The following MAGI2 variants were observed in gnomAD, a reference collection of about 807,000 sequenced individuals.
The protein encoded by MAGI2 is membrane associated guanylate kinase, WW and PDZ domain containing 2.
MAGI2 carries 35 observed loss-of-function variants against 133.3 expected under a neutral mutation model. That is an observed-to-expected ratio of 0.26 (90% CI 0.20 to 0.35). The LOEUF is 0.35. Ranked by LOEUF, MAGI2 falls within the 10% of genes least tolerant of loss-of-function variation. The probability of loss-of-function intolerance (pLI) is 1.00; values close to 1 mark genes in which losing one functional copy is unlikely to be tolerated. For missense variants in MAGI2, 1,636 were observed against 1,863.4 expected (o/e 0.88, Z 2.25); for synonymous variants, 729 against 710.6 (o/e 1.03, Z -0.41).
At chr7:78,096,133 T>A (rs1023026411) in intron 20 of MAGI2, among the ~76,000 whole-genome samples, 5 of 152,254 alleles carry the variant, frequency 3.3e-5, no homozygotes, top group African/African-American at 1.2e-4. Flanking sequence ...TAGTTGTTAT[T>A]GTTTATACAG....
At chr7:78,329,905 C>T (rs893252249) in intron 9 of MAGI2, among the ~76,000 whole-genome samples, 2 of 152,108 alleles carry the variant, frequency 1.3e-5, no homozygotes, top group African/African-American at 4.8e-5. Flanking sequence ...GTCAACATGG[C>T]ACCACAATTC....
At chr7:79,089,696 T>TA (rs1369508197) in intron 1 of MAGI2, among the ~76,000 whole-genome samples, 2 of 151,966 alleles carry the variant, frequency 1.3e-5, no homozygotes, top group Admixed American at 1.3e-4. Flanking sequence ...CTCAGCAAAC[T>TA]AACCCTCATT....
chr7:78,743,822 T>C (rs1435519714), intron 2 of MAGI2, among the ~76,000 whole-genome samples: 6 of 152,130 alleles, frequency 3.9e-5, no homozygotes, highest in Non-Finnish European at 7.4e-5. Context: ...TACTGAACAG[T>C]TCTCTATTCC....
intron 6 of MAGI2, among the ~76,000 whole-genome samples, chr7:78,470,498 A>G (rs1791085384): frequency 6.6e-6 from 1 of 152,100 alleles, no homozygotes; most frequent in African/African-American, 2.4e-5. Context: ...AAGATCCTGT[A>G]TGTTTTTATT....
chr7:78,972,953 A>T (rs981420858), intron 2 of MAGI2, among the ~76,000 whole-genome samples: 1 of 151,646 alleles, frequency 6.6e-6, no homozygotes, highest in Non-Finnish European at 1.5e-5. Flanking sequence ...ACACACACAC[A>T]CACACACACA....
chr7:78,821,827 T>G (rs758463586), intron 2 of MAGI2, among the ~76,000 whole-genome samples: 31 of 152,046 alleles, frequency 2.0e-4, no homozygotes, highest in Non-Finnish European at 4.4e-5. Context: ...CCTTTTAAAG[T>G]GTTCATCTGA....
At chr7:78,243,631 A>T (rs1227302039) in intron 10 of MAGI2, among the ~76,000 whole-genome samples, 1 of 152,304 alleles carries the variant, frequency 6.6e-6, no homozygotes. Context: ...TGTAAAAAAA[A>T]GATGTGTATT....
intron 1 of MAGI2, chr7:79,411,078 T>G (rs973892818): frequency 6.6e-6 from 1 of 152,104 alleles, no homozygotes; most frequent in Non-Finnish European, 1.5e-5. Flanking sequence ...AGAGAAATAT[T>G]GCATTCGGCC....
chr7:79,293,004 C>A (rs928881511), intron 1 of MAGI2, among the ~76,000 whole-genome samples: 1 of 152,162 alleles, frequency 6.6e-6, no homozygotes. Context: ...ATTTCAAACT[C>A]CTCACTCACT....
intron 2 of MAGI2, among the ~76,000 whole-genome samples, chr7:78,953,147 T>C (rs1283226391): frequency 1.3e-5 from 2 of 152,154 alleles, no homozygotes; most frequent in Non-Finnish European, 2.9e-5. Flanking sequence ...ACTTCTAACA[T>C]GTTTCCTGAA....
intron 1 of MAGI2, among the ~76,000 whole-genome samples, chr7:79,156,613 A>C (rs1489269378): frequency 6.6e-6 from 1 of 152,094 alleles, no homozygotes; most frequent in Non-Finnish European, 1.5e-5. Context: ...CTCCTGCTTC[A>C]AATTGCCCCA....
intron 1 of MAGI2, among the ~76,000 whole-genome samples, chr7:79,080,013 C>A (rs1251520914): frequency 2.0e-5 from 3 of 152,032 alleles, no homozygotes; most frequent in South Asian, 4.2e-4. Context: ...CAACAGAGTT[C>A]ATTTTTTTGC....
At chr7:78,957,274 AAAAAAAAAAAAG>A (rs1294116238) in intron 2 of MAGI2, among the ~76,000 whole-genome samples, 5 of 150,616 alleles carry the variant, frequency 3.3e-5, no homozygotes, top group Non-Finnish European at 7.4e-5. Context: ...CAAAAAAAAA[AAAAAAAAAAAAG>A]AAAAGAAAAG....
intron 20 of MAGI2, among the ~76,000 whole-genome samples, chr7:78,091,136 G>A (rs1018808260): frequency 1.3e-5 from 2 of 151,988 alleles, no homozygotes; most frequent in African/African-American, 4.8e-5. Flanking sequence ...TGATTTGGGG[G>A]TAAATTAAGG....
intron 1 of MAGI2, among the ~76,000 whole-genome samples, chr7:79,422,842 T>C (rs114023545): frequency 1.3e-5 from 2 of 152,178 alleles, no homozygotes; most frequent in African/African-American, 4.8e-5. Context: ...CCAAGGTAGA[T>C]AGACAAACCT....
At chr7:78,068,362 G>T (rs75693752) in intron 21 of MAGI2, among the ~76,000 whole-genome samples, 17,200 of 152,134 alleles carry the variant, frequency 0.11, 1,130 homozygotes, top group African/African-American at 0.17. Flanking sequence ...GACCAGTCAG[G>T]ATCTGCAGCC....
intron 2 of MAGI2, among the ~76,000 whole-genome samples, chr7:78,755,857 T>C (rs1823894574): frequency 6.6e-6 from 1 of 152,314 alleles, no homozygotes; most frequent in South Asian, 2.1e-4. Context: ...ATTCAAGCAC[T>C]GTCAAAATTG....
chr7:79,395,666 A>G (rs1295694542), intron 1 of MAGI2, among the ~76,000 whole-genome samples: 1 of 152,214 alleles, frequency 6.6e-6, no homozygotes, highest in African/African-American at 2.4e-5. Flanking sequence ...TATTAAGATC[A>G]TTCTGATATA....
chr7:79,432,080 T>C (rs1847816031), intron 1 of MAGI2, among the ~76,000 whole-genome samples: 1 of 152,202 alleles, frequency 6.6e-6, no homozygotes, highest in Non-Finnish European at 1.5e-5. Flanking sequence ...GGAATGTAGC[T>C]AAGGCTTCAA....
Sources: gnomAD v4.1 joint callset for allele counts (sites outside exome capture counted in the v4.1 genomes callset) on GRCh38, gnomAD v4.1.1 for gene constraint, MANE v1.5 for transcripts, NCBI Gene and HGNC (gene_info 2026-07-23, HGNC 2026-07-21) for gene names.